Variants in ACACB observed in about 807,000 individuals in gnomAD.
ACACB encodes acetyl-CoA carboxylase beta.
ACACB carries 209 observed loss-of-function variants against 278.8 expected under a neutral mutation model. That is an observed-to-expected ratio of 0.75 (90% CI 0.67 to 0.84). ACACB has a LOEUF of 0.84. Among genes scored for constraint, ACACB ranks in the 40% least tolerant of loss-of-function variants. The pLI, the probability that ACACB is intolerant of heterozygous loss-of-function variation, is 0.00. For missense variants in ACACB, 2,850 were observed against 3,269.0 expected, an observed-to-expected ratio of 0.87 and a Z score of 3.13; for synonymous variants, 1,174 against 1,285.6, an observed-to-expected ratio of 0.91 and a Z score of 1.86.
In ACACB at chr12:109,234,738, G is replaced by C. The variant is rs187797396; in HGVS notation, c.4348-575G>C. ...CACCGCATGTGCTCACTCATAAGTG[G>C]GAGCTGAACATTGAGAACACATGGG... On this transcript the variant is annotated intron_variant, in intron 31 of 52. Transcript: ENST00000338432. Among the ~76,000 whole-genome samples the C allele has an allele frequency of 2.8e-3, 418 of 151,884 alleles. 2 individuals carry two copies. The highest frequency in any genetic ancestry group is 9.7e-3 in the African/African-American group (402 of 41,406).
chr12:109,206,104 C>T (rs2045498652), intron 19 of ACACB, among the ~76,000 whole-genome samples: 1 of 152,074 alleles, frequency 6.6e-6, no homozygotes, highest in African/African-American at 2.4e-5. Flanking sequence ...AAATACAGAA[C>T]ATGAGATTTG....
intron 2 of ACACB, among the ~76,000 whole-genome samples, chr12:109,153,963 C>A (rs2043447654): frequency 6.6e-6 from 1 of 152,154 alleles, no homozygotes; most frequent in Non-Finnish European, 1.5e-5. Context: ...CGGCCTCATT[C>A]GTTTATTCTA....
Position 109,172,192 on chromosome 12 carries a change from G to T in ACACB, c.1036-83G>T, listed in dbSNP as rs534267029. 2.2e-6 allele frequency: 3 copies of T among 1,347,090 alleles called. No homozygotes were observed. In the East Asian group the frequency reaches 6.9e-5, roughly 31 times the overall value. The allele number at this position is 1,347,090 out of a possible 1,614,324, so 83.4% of individuals were successfully genotyped here. The stretch of plus-strand genomic sequence containing the variant: ...CTGCCTTGGCCTCCCAAACTGCTGG[G>T]GTTATAGGCGTGAGTTACTGCACCT... On this transcript the variant is annotated intron_variant, in intron 5 of 52. Coordinates refer to ENST00000338432, the MANE Select transcript of ACACB (RefSeq NM_001093.4).
At chr12:109,223,790 T>C in intron 26 of ACACB, 25 bp from the exon 27 acceptor site, 2 of 1,593,400 alleles carry the variant, frequency 1.3e-6, no homozygotes, top group South Asian at 1.1e-5. Context: ...TACTTTTCCT[T>C]GTTTCCCCTT....
At chr12:109,170,379 T>A (rs2044071523) in intron 4 of ACACB, among the ~76,000 whole-genome samples, 1 of 152,174 alleles carries the variant, frequency 6.6e-6, no homozygotes, top group South Asian at 2.1e-4. Flanking sequence ...TGTGTTTTTT[T>A]AAGGACATAT....
intron 2 of ACACB, among the ~76,000 whole-genome samples, chr12:109,165,660 A>G (rs1199452156): frequency 6.6e-6 from 1 of 152,254 alleles, no homozygotes; most frequent in Non-Finnish European, 1.5e-5. Flanking sequence ...AATGATCACA[A>G]ACTTCATATG....
intron 1 of ACACB, among the ~76,000 whole-genome samples, chr12:109,137,203 A>G (rs2042986754): frequency 6.6e-6 from 1 of 152,176 alleles, no homozygotes; most frequent in South Asian, 2.1e-4. Context: ...CTTGAAAGGA[A>G]AAAACCCCTC....
intron 24 of ACACB, among the ~76,000 whole-genome samples, chr12:109,217,191 A>G (rs1053024357): frequency 6.6e-6 from 1 of 152,222 alleles, no homozygotes; most frequent in Non-Finnish European, 1.5e-5. Context: ...CTGAAGCAGA[A>G]GGATCGCTTG....
intron 41 of ACACB, among the ~76,000 whole-genome samples, chr12:109,251,130 T>G (rs1014540964): frequency 3.9e-5 from 6 of 152,214 alleles, no homozygotes; most frequent in Non-Finnish European, 5.9e-5. Flanking sequence ...ATCTTACCTC[T>G]TAGCATGCAT....
intron 47 of ACACB, among the ~76,000 whole-genome samples, chr12:109,259,664 A>C (rs1450880943): frequency 6.6e-6 from 1 of 151,662 alleles, no homozygotes; most frequent in Non-Finnish European, 1.5e-5. Flanking sequence ...CAGGTCAGGG[A>C]GGGGCAGCCC....
Position 109,250,011 on chromosome 12 carries a change from G to C in ACACB, c.5697G>C (p.Lys1899Asn). 6.2e-7 allele frequency: 1 copy of C among 1,613,446 alleles called. No homozygotes were observed. Among genetic ancestry groups the C allele is most frequent in the Non-Finnish European group, 8.5e-7 (1 of 1,179,706 alleles). The stretch of plus-strand genomic sequence containing the variant: ...ACATGATCACGGATATCATCGGGAA[G>C]GATGATGGCTTGGGCGTGGAGAATC... The part of the protein sequence containing the change: ...SRYMITDIIG[K>N]DDGLGVENLR... The change falls in exon 41 of 53, where the codon AAG becomes AAC. Residue 1899 changes from lysine (K) to asparagine (N), a missense_variant. Coordinates refer to ENST00000338432, the MANE Select transcript of ACACB (RefSeq NM_001093.4).
intron 1 of ACACB, among the ~76,000 whole-genome samples, chr12:109,121,644 C>G (rs2042551785): frequency 6.6e-6 from 1 of 152,138 alleles, no homozygotes; most frequent in African/African-American, 2.4e-5. Context: ...ATGCCTGTGC[C>G]CAGGGCCTCA....
intron 2 of ACACB, among the ~76,000 whole-genome samples, chr12:109,140,552 A>AAGGCTG (rs1291972808): frequency 6.6e-6 from 1 of 152,074 alleles, no homozygotes; most frequent in African/African-American, 2.4e-5. Context: ...AGCTGCTTGG[A>AAGGCTG]AGGCTGAGGC....
intron 2 of ACACB, among the ~76,000 whole-genome samples, chr12:109,159,554 T>A (rs1298273203): frequency 6.6e-6 from 1 of 152,144 alleles, no homozygotes; most frequent in African/African-American, 2.4e-5. Context: ...TTACACAGGT[T>A]ATAAGCGGTA....
At chr12:109,263,358 G>T (rs972276401) in intron 49 of ACACB, 1 of 152,026 alleles carries the variant, frequency 6.6e-6, no homozygotes, top group Admixed American at 6.6e-5. Context: ...TGTGTTTTTA[G>T]TAGAGACAGG....
chr12:109,218,535 T>C (rs913619246), intron 24 of ACACB, among the ~76,000 whole-genome samples: 1 of 152,134 alleles, frequency 6.6e-6, no homozygotes, highest in African/African-American at 2.4e-5. Context: ...ATAATAGCAG[T>C]CTTTTATAAC....
Position 109,260,491 on chromosome 12 carries a change from C to G in ACACB, c.6508C>G (p.Gln2170Glu), listed in dbSNP as rs906556852. Residue 2170 changes from glutamine (Q) to glutamate (E), a missense_variant, in exon 48 of 53, where the codon CAG becomes GAG. By Grantham distance (29) the Gln-to-Glu change is conservative. Transcript: ENST00000338432. ...FSGGMKDMYD[Q>E]VLKFGAYIVD... ...GCTTTGCTTTTCAGACATGTATGAC[C>G]AGGTGCTGAAGTTTGGAGCCTACAT... 1 of 1,614,182 alleles carries G rather than the reference C, an allele frequency of 6.2e-7. No homozygotes were observed. Among genetic ancestry groups the G allele is most frequent in the Non-Finnish European group, 8.5e-7 (1 of 1,180,022 alleles).
At chr12:109,114,964 A>T (rs983539615), upstream of ACACB, among the ~76,000 whole-genome samples, 3 of 152,220 alleles carry the variant, frequency 2.0e-5, no homozygotes, top group Non-Finnish European at 2.9e-5. Context: ...TGTTTGATGG[A>T]AAGAGTTTAT....
At chr12:109,223,537 A>T (rs1268023228) in intron 26 of ACACB, among the ~76,000 whole-genome samples, 2 of 152,088 alleles carry the variant, frequency 1.3e-5, no homozygotes, top group Non-Finnish European at 2.9e-5. Flanking sequence ...CTGGAGGATC[A>T]CTTAAGCCCA....
Sources: gnomAD v4.1 joint callset for allele counts (sites outside exome capture counted in the v4.1 genomes callset) on GRCh38, gnomAD v4.1.1 for gene constraint, MANE v1.5 for transcripts, NCBI Gene and HGNC (gene_info 2026-07-23, HGNC 2026-07-21) for gene names.